ZDHHC5: variants seen among roughly 807,000 people sequenced by gnomAD.
ZDHHC5 encodes palmitoyltransferase ZDHHC5.
A neutral mutation model predicts 70.0 loss-of-function variants in ZDHHC5; 22 were observed. The ratio of observed to expected loss-of-function variants is 0.31; its 90% confidence interval spans 0.22 to 0.45. The LOEUF (loss-of-function observed/expected upper bound fraction) is 0.45. Ranked by LOEUF, ZDHHC5 falls within the 20% of genes least tolerant of loss-of-function variation. The probability of loss-of-function intolerance (pLI) is 1.00; values close to 1 mark genes in which losing one functional copy is unlikely to be tolerated. For missense variants in ZDHHC5, 746 were observed against 926.9 expected (o/e 0.80, Z 2.53); for synonymous variants, 313 against 347.8 (o/e 0.90, Z 1.11).
Position 57,699,416 on chromosome 11 carries a change from CAAGT to C in ZDHHC5, c.1982+4_1982+7del, listed in dbSNP as rs1565200420. ...TGGCCTTGCAGCCATTACTGACACC[CAAGT>C]AAGTATTAGTACTATCCTGACCCTT... On this transcript the variant is annotated splice_donor_variant and coding_sequence_variant, in exon 11 of 12. Coordinates refer to ENST00000287169, the MANE Select transcript of ZDHHC5 (RefSeq NM_015457.3). LOFTEE classifies it high-confidence loss of function. 1.3e-6 allele frequency: 2 copies of C among 1,566,320 alleles called. No homozygotes were observed. The highest frequency in any genetic ancestry group is 2.2e-5 in the East Asian group (1 of 44,512).
At position 57,673,125 on chromosome 11, in the gene ZDHHC5, G is replaced by A. The variant is rs751585426; in HGVS notation, c.35G>A (p.Ser12Asn). 3 of 1,614,042 alleles carry A rather than the reference G, an allele frequency of 1.9e-6. No homozygotes were observed. The highest frequency in any genetic ancestry group is 2.5e-6 in the Non-Finnish European group (3 of 1,179,960). The change falls in exon 2 of 12, where the codon AGC becomes AAC. Residue 12 changes from serine (S) to asparagine (N), a missense_variant. Around this residue, in one of 6 missense-constraint regions of ZDHHC5, gnomAD observed 89 missense variants for 130.7 expected, o/e 0.68. Coordinates refer to ENST00000287169, the MANE Select transcript of ZDHHC5 (RefSeq NM_015457.3). ...PAESGKRFKP[S>N]KYVPVSAAAI... Reference sequence around the variant, plus strand: ...GAGTCTGGAAAGAGATTCAAACCCAGCAAGTATGTCCCGGTCTCTGCAGCC... The same window carrying A: ...GAGTCTGGAAAGAGATTCAAACCCAACAAGTATGTCCCGGTCTCTGCAGCC...
chr11:57,692,669 T>G lies in ZDHHC5; in HGVS notation c.719T>G (p.Val240Gly), dbSNP rs1452904326. ...TTCACCAATGGCTGCTGTAACAATG[T>G]CAGCCGTGTTCTCTGCAGTTCTCCA... ...NPFTNGCCNNVSRVLCSSPAP... is the reference protein window; with the variant it reads ...NPFTNGCCNNGSRVLCSSPAP... Residue 240 changes from valine to glycine, a missense_variant, in exon 7 of 12, where the codon GTC (valine) becomes GGC (glycine). Physicochemically the swap from Val to Gly is moderately radical, Grantham distance 109. This residue lies in a region of ZDHHC5 where 114 missense variants were observed against 179.3 expected (regional missense o/e 0.64). Transcript: ENST00000287169. 1 of 1,614,100 alleles carries G rather than the reference T, an allele frequency of 6.2e-7. No homozygotes were observed.
At position 57,696,762 on chromosome 11, in the gene ZDHHC5, T is replaced by G; in HGVS notation, c.1011T>G (p.Asp337Glu). The G allele has an allele frequency of 6.2e-7, 1 of 1,613,522 alleles. No homozygotes were observed. The highest frequency in any genetic ancestry group is 2.2e-5 in the East Asian group (1 of 44,844). Reference protein sequence around the residue: ...RTHLGLATNEDSSLLAKDSPP... With the variant: ...RTHLGLATNEESSLLAKDSPP... The stretch of plus-strand genomic sequence containing the variant: ...CCCCCTTGGCCTTTTTTCTTGCAGA[T>G]AGTAGCTTATTGGCCAAGGACAGCC... Residue 337 changes from aspartate (D) to glutamate (E), a missense_variant and splice_region_variant, in exon 10 of 12, where the codon GAT becomes GAG. Physicochemically the swap from Asp to Glu is conservative, Grantham distance 45. Transcript: ENST00000287169.
intron 2 of ZDHHC5, among the ~76,000 whole-genome samples, chr11:57,679,996 A>G (rs1046394751): frequency 6.6e-6 from 1 of 152,160 alleles, no homozygotes; most frequent in Non-Finnish European, 1.5e-5. Flanking sequence ...TACACACTTT[A>G]TCTGGACCAA....
chr11:57,696,775 G>A lies in ZDHHC5; in HGVS notation c.1024G>A (p.Ala342Thr). Residue 342 changes from alanine (A) to threonine (T), a missense_variant, in exon 10 of 12, where the codon GCC becomes ACC. This residue lies in a region of ZDHHC5 where 179 missense variants were observed against 178.4 expected (regional missense o/e 1.00). Transcript: ENST00000287169. Reference sequence around the variant, plus strand: ...TTTTCTTGCAGATAGTAGCTTATTGGCCAAGGACAGCCCCCCGACACCTAC... The same window carrying A: ...TTTTCTTGCAGATAGTAGCTTATTGACCAAGGACAGCCCCCCGACACCTAC... ...LATNEDSSLL[A>T]KDSPPTPTMY... 2 of 1,613,760 alleles carry A rather than the reference G, an allele frequency of 1.2e-6. No individual in the cohort carries two copies. The highest frequency in any genetic ancestry group is 1.1e-5 in the South Asian group (1 of 91,080).
intron 8 of ZDHHC5, 139 bp from the exon 9 acceptor site, chr11:57,695,781 G>T (rs913981377): frequency 1.7e-6 from 2 of 1,172,088 alleles, no homozygotes; most frequent in African/African-American, 3.3e-5. Flanking sequence ...GGTCAACAGA[G>T]TGAGACCTTG....
rs1218811208 is a variant in ZDHHC5 at position 57,672,174 on chromosome 11, C to T, written c.-917C>T. 1.0e-5 allele frequency: 4 copies of T among 398,296 alleles called. No individual in the cohort carries two copies. In the East Asian group the frequency reaches 1.4e-4, roughly 14 times the overall value. 24.7% of individuals were successfully genotyped at this position (398,296 alleles called of 1,614,324 possible). ...AAGTGTCATCAATTGGAATTGATTT[C>T]TTCATCTTATTCTGCCTATTGGGAA... On this transcript the variant is annotated 5_prime_UTR_variant, in exon 2 of 12. Coordinates refer to ENST00000287169, the MANE Select transcript of ZDHHC5 (RefSeq NM_015457.3).
In ZDHHC5 at chr11:57,700,517, C is replaced by A. The variant is rs1049487179; in HGVS notation, c.*486C>A. On this transcript the variant is annotated 3_prime_UTR_variant, in exon 12 of 12. Coordinates refer to ENST00000287169, the MANE Select transcript of ZDHHC5 (RefSeq NM_015457.3). The stretch of plus-strand genomic sequence containing the variant: ...TATACGGAGGGGGATCTTACTCTTC[C>A]CATTCCTCAGACCAGCAGGAAAAGA... 6.6e-6 allele frequency: 1 copy of A among 151,930 alleles called. No individual in the cohort carries two copies. The highest frequency in any genetic ancestry group is 2.4e-5 in the African/African-American group (1 of 41,198). The allele number at this position is 151,930 out of a possible 1,614,324, so 9.4% of individuals were successfully genotyped here. A position where few individuals can be genotyped will look rare whatever the true frequency, so the allele number is the denominator to read the frequency against.
At chr11:57,692,794 C>A in intron 7 of ZDHHC5, 92 bp downstream of exon 7, 7 of 1,307,644 alleles carry the variant, frequency 5.4e-6, no homozygotes, top group Non-Finnish European at 6.4e-6. Flanking sequence ...CTGGTGAGAG[C>A]CTTTAGGAAG....
rs747017396 is a variant in ZDHHC5 at position 57,698,776 on chromosome 11, G to A, written c.1340G>A (p.Arg447His). Reference sequence around the variant, plus strand: ...GAGCTGGGCCAGTTGCAATCCATTCGTTCAGAGGGCACCACCTCCACCTCC... The same window carrying A: ...GAGCTGGGCCAGTTGCAATCCATTCATTCAGAGGGCACCACCTCCACCTCC... ...GFELGQLQSI[R>H]SEGTTSTSYK... The change falls in exon 11 of 12, where the codon CGT becomes CAT. Residue 447 changes from arginine (R) to histidine (H), a missense_variant. Physicochemically the swap from Arg to His is conservative, Grantham distance 29 (BLOSUM62 0). Transcript: ENST00000287169. 8 of 1,614,166 alleles carry A rather than the reference G, an allele frequency of 5.0e-6. No individual in the cohort carries two copies. Among genetic ancestry groups the A allele is most frequent in the South Asian group, 4.4e-5 (4 of 91,078 alleles).
chr11:57,698,425 ACC>A, intron 10 of ZDHHC5, 132 bp from the exon 11 acceptor site: 1 of 1,241,592 alleles, frequency 8.1e-7, no homozygotes, highest in East Asian at 2.4e-5. Flanking sequence ...TGAGGGATTA[ACC>A]CAGATAATGC....
Position 57,699,875 on chromosome 11 carries a change from A to G in ZDHHC5, c.1992A>G (p.Val664=), listed in dbSNP as rs1946417347. Residue 664 remains valine, a synonymous_variant, in exon 12 of 12, where the codon GTA becomes GTG. Coordinates refer to ENST00000287169, the MANE Select transcript of ZDHHC5 (RefSeq NM_015457.3). ...LQPLLTPKDE[V]QLKTTYSKSN... is the part of the protein sequence containing the mutation. ...TGTCTCTTCTTTCCAGAGATGAAGT[A>G]CAGCTGAAGACCACCTACAGCAAAT... 6.2e-7 allele frequency: 1 copy of G among 1,614,132 alleles called. No homozygotes were observed. Among genetic ancestry groups the G allele is most frequent in the Non-Finnish European group, 8.5e-7 (1 of 1,180,056 alleles).
intron 1 of ZDHHC5, among the ~76,000 whole-genome samples, chr11:57,670,739 A>G (rs1055482905): frequency 6.6e-6 from 1 of 151,872 alleles, no homozygotes; most frequent in Non-Finnish European, 1.5e-5. Context: ...AAGGGAAGGC[A>G]CCTTTGCCTT....
In ZDHHC5 at chr11:57,700,231, C is replaced by T. The variant is rs371268180; in HGVS notation, c.*200C>T. 23 of 542,440 alleles carry T rather than the reference C, an allele frequency of 4.2e-5. No individual in the cohort carries two copies. Among genetic ancestry groups the T allele is most frequent in the East Asian group, 3.8e-4 (11 of 28,954 alleles). 33.6% of individuals were successfully genotyped at this position (542,440 alleles called of 1,614,324 possible). ...TGGGGCCCTGAGACTGGGGTAGCAA[C>T]CCCCCCTTTTATCTTTTAAGACCTT... is the stretch of plus-strand genomic sequence containing the variant. On this transcript the variant is annotated 3_prime_UTR_variant, in exon 12 of 12. Transcript: ENST00000287169.
Position 57,672,243 on chromosome 11 carries a change from G to T in ZDHHC5, c.-848G>T. 2.5e-6 allele frequency: 1 copy of T among 398,562 alleles called. No homozygotes were observed. The highest frequency in any genetic ancestry group is 1.3e-4 in the South Asian group (1 of 7,804). The allele number at this position is 398,562 out of a possible 1,614,324, so 24.7% of individuals were successfully genotyped here. A position where few individuals can be genotyped will look rare whatever the true frequency, so the allele number is the denominator to read the frequency against. ...TTTAAGTTTCCCTTTAGTTTTACAT[G>T]AACTTTGTAGGAAACAGAGCCCTTA... is the stretch of plus-strand genomic sequence containing the variant. On this transcript the variant is annotated 5_prime_UTR_variant, in exon 2 of 12. An upstream start codon of the reference 5' UTR is lost. Coordinates refer to ENST00000287169, the MANE Select transcript of ZDHHC5 (RefSeq NM_015457.3).
rs374038596 is a variant in ZDHHC5, at chr11:57,700,057, G to A, written c.*26G>A. On this transcript the variant is annotated 3_prime_UTR_variant, in exon 12 of 12. Coordinates refer to ENST00000287169, the MANE Select transcript of ZDHHC5 (RefSeq NM_015457.3). ...GCCTTCGGCACCTCCCCTCCCCAAC[G>A]CCTCTGCGCCTACACCAAAGGGCCC... is the stretch of plus-strand genomic sequence containing the variant. 2.5e-5 allele frequency: 39 copies of A among 1,535,880 alleles called. No homozygotes were observed. The African/African-American group carries it at 3.0e-4, about 12-fold the overall frequency.
chr11:57,691,679 A>G (rs147928097), intron 6 of ZDHHC5, among the ~76,000 whole-genome samples: 2,112 of 152,278 alleles, frequency 0.014, 33 homozygotes, highest in African/African-American at 0.048. Flanking sequence ...TCCAAATAAT[A>G]GTATTCTTTC....
intron 2 of ZDHHC5, among the ~76,000 whole-genome samples, 156 bp from the exon 3 acceptor site, chr11:57,682,262 CACTT>C (rs1463038005): frequency 6.6e-6 from 1 of 152,200 alleles, no homozygotes; most frequent in Non-Finnish European, 1.5e-5. Flanking sequence ...AAACTAGACT[CACTT>C]AGTGGGAAAG....
chr11:57,692,752 C>T (rs12801694), intron 7 of ZDHHC5, 50 bp downstream of exon 7: 387,387 of 1,591,438 alleles, frequency 0.24, 48,583 homozygotes, highest in Middle Eastern at 0.33. Flanking sequence ...GAACTTTTAT[C>T]TTCTTTGGGC....
Sources: allele counts gnomAD v4.1 joint callset (sites outside exome capture counted in the v4.1 genomes callset), GRCh38; gene constraint gnomAD v4.1.1; regional missense constraint gnomAD v4.1.1; transcripts MANE v1.5; gene names NCBI Gene and HGNC (gene_info 2026-07-23, HGNC 2026-07-21).